CKMT2: variants seen among roughly 807,000 people sequenced by gnomAD.
CKMT2 encodes the protein creatine kinase, mitochondrial 2.
In CKMT2, 43 loss-of-function variants were observed where a neutral mutation model predicts 48.9. The ratio of observed to expected loss-of-function variants is 0.88; its 90% CI spans 0.69 to 1.13. The LOEUF (loss-of-function observed/expected upper bound fraction) is 1.13, where lower values mean the gene tolerates loss of function less well. Among genes scored for constraint, CKMT2 ranks in the 50% most tolerant of loss-of-function variants. The pLI is 0.00. For synonymous variants in CKMT2, 206 were observed against 213.0 expected (o/e 0.97, Z 0.29); for missense variants, 472 against 555.4 (o/e 0.85, Z 1.51).
At chr5:81,234,365 GT>G (rs1756192292) in intron 1 of CKMT2, among the ~76,000 whole-genome samples, 1 of 152,158 alleles carries the variant, frequency 6.6e-6, no homozygotes, top group Non-Finnish European at 1.5e-5. Flanking sequence ...CCAGTGTGCT[GT>G]TTCCAGAAGG....
chr5:81,263,184 G>A (rs890417163), intron 8 of CKMT2, among the ~76,000 whole-genome samples: 1 of 151,422 alleles, frequency 6.6e-6, no homozygotes. Context: ...GGGGGGTGGG[G>A]GTTTGGGGAG....
At chr5:81,265,888 A>ATGTT (rs952441859) in intron 9 of CKMT2, among the ~76,000 whole-genome samples, 11 of 152,196 alleles carry the variant, frequency 7.2e-5, no homozygotes, top group African/African-American at 2.7e-4. Flanking sequence ...GTAGGAAAAA[A>ATGTT]TGTTAGAGAT....
intron 7 of CKMT2, 131 bp downstream of exon 7, chr5:81,257,987 C>A: frequency 1.2e-6 from 1 of 813,098 alleles, no homozygotes; most frequent in Non-Finnish European, 1.8e-6. Flanking sequence ...GCAACTGCCG[C>A]CTCCCAGGTT....
At chr5:81,263,407 A>G (rs1233754318) in intron 8 of CKMT2, 84 bp from the exon 9 acceptor site, 15 of 820,414 alleles carry the variant, frequency 1.8e-5, no homozygotes, top group African/African-American at 3.6e-5. Flanking sequence ...ATCTCTCACT[A>G]TATGTCTTTT....
At chr5:81,259,827 A>G (rs1195581836) in intron 8 of CKMT2, among the ~76,000 whole-genome samples, 1 of 152,234 alleles carries the variant, frequency 6.6e-6, no homozygotes, top group Non-Finnish European at 1.5e-5. Flanking sequence ...GACAAAATTA[A>G]CAAGGATATG....
At chr5:81,253,006 G>A (rs1307978085) in intron 3 of CKMT2, 113 bp downstream of exon 3, 13 of 1,175,238 alleles carry the variant, frequency 1.1e-5, no homozygotes, top group Non-Finnish European at 1.5e-5. Flanking sequence ...GCCTTCTCAG[G>A]AAGGGCTCTC....
At position 81,254,933 on chromosome 5, in the gene CKMT2, T is replaced by A. The variant is rs1756944863; in HGVS notation, c.448-60T>A. ...GCAGATTGGCGATTAGAACCCACTG[T>A]GGCTGTGGCAGGACCATGGTCCGAG... On this transcript the variant is annotated intron_variant, in intron 4 of 9. Coordinates refer to ENST00000254035, the MANE Select transcript of CKMT2 (RefSeq NM_001099735.2). 8.0e-5 allele frequency: 112 copies of A among 1,402,102 alleles called. 1 individual carries two copies. In the South Asian group the frequency reaches 1.3e-3, roughly 16 times the overall value. The allele number at this position is 1,402,102 out of a possible 1,614,324, so 86.9% of individuals were successfully genotyped here.
chr5:81,258,698 A>G (rs1385084963), intron 7 of CKMT2, among the ~76,000 whole-genome samples: 1 of 152,158 alleles, frequency 6.6e-6, no homozygotes, highest in African/African-American at 2.4e-5. Flanking sequence ...CAGAGGCATG[A>G]GATTCTCATA....
chr5:81,239,529 C>A lies in CKMT2; in HGVS notation c.-21+6152C>A, dbSNP rs551493005. 2.0e-4 allele frequency among the ~76,000 whole-genome samples: 30 copies of A among 152,286 alleles called. No individual in the cohort carries two copies. The South Asian group carries it at 6.2e-3, about 32-fold the overall frequency. ...GGGGGCACGTGGCATCCACAGTCCT[C>A]CACTGATGCACATGGGTGTGCAGGG... On this transcript the variant is annotated intron_variant, in intron 1 of 9. Transcript: ENST00000254035.
rs759208861 is a variant in CKMT2, at chr5:81,266,160, A to G, written c.1162A>G (p.Ile388Val). 1 of 1,612,654 alleles carries G rather than the reference A, an allele frequency of 6.2e-7. No homozygotes were observed. Among genetic ancestry groups the G allele is most frequent in the Non-Finnish European group, 8.5e-7 (1 of 1,178,840 alleles). The stretch of plus-strand genomic sequence containing the variant: ...AAAGGTTGAGCTTGTTCAGATAGTC[A>G]TCGATGGAGTCAATTACCTGGTGGA... Reference protein sequence around the residue: ...RSEVELVQIVIDGVNYLVDCE... With the variant: ...RSEVELVQIVVDGVNYLVDCE... The change falls in exon 10 of 10, where the codon ATC becomes GTC. Residue 388 changes from isoleucine to valine, a missense_variant. Physicochemically the swap from Ile to Val is conservative, Grantham distance 29. Coordinates refer to ENST00000254035, the MANE Select transcript of CKMT2 (RefSeq NM_001099735.2).
intron 1 of CKMT2, among the ~76,000 whole-genome samples, chr5:81,237,128 G>A (rs895722196): frequency 6.6e-6 from 1 of 152,222 alleles, no homozygotes; most frequent in Non-Finnish European, 1.5e-5. Context: ...CAGCCTGGGT[G>A]ACAGAGCGAG....
chr5:81,249,307 T>C (rs1756721409), intron 1 of CKMT2, among the ~76,000 whole-genome samples: 1 of 152,140 alleles, frequency 6.6e-6, no homozygotes, highest in African/African-American at 2.4e-5. Context: ...GGTCTCAAAC[T>C]CCTGGCCTCA....
intron 3 of CKMT2, among the ~76,000 whole-genome samples, chr5:81,253,147 G>A (rs1031611066): frequency 6.6e-6 from 1 of 152,180 alleles, no homozygotes; most frequent in African/African-American, 2.4e-5. Flanking sequence ...TGAATTGCAT[G>A]ACAGAACTCT....
intron 1 of CKMT2, among the ~76,000 whole-genome samples, chr5:81,241,928 C>T (rs566300200): frequency 6.6e-6 from 1 of 151,584 alleles, no homozygotes; most frequent in Non-Finnish European, 1.5e-5. Context: ...CTGATTCTTC[C>T]TTTCCAATCT....
At position 81,251,194 on chromosome 5, in the gene CKMT2, T is replaced by C. The variant is rs867534507; in HGVS notation, c.62T>C (p.Met21Thr). 1.2e-6 allele frequency: 2 copies of C among 1,614,154 alleles called. No homozygotes were observed. Among genetic ancestry groups the C allele is most frequent in the Non-Finnish European group, 1.7e-6 (2 of 1,180,008 alleles). ...AATGCTTCTCTGCTGTTTGCTACCA[T>C]GGGCACCAGTGTCCTGACCACCGGG... ...GRNASLLFAT[M>T]GTSVLTTGYL... The change falls in exon 2 of 10, where the codon ATG becomes ACG. Residue 21 changes from methionine (M) to threonine (T), a missense_variant. Coordinates refer to ENST00000254035, the MANE Select transcript of CKMT2 (RefSeq NM_001099735.2).
intron 6 of CKMT2, 97 bp from the exon 7 acceptor site, chr5:81,257,636 G>A (rs754289705): frequency 1.1e-4 from 116 of 1,042,504 alleles, no homozygotes; most frequent in Non-Finnish European, 1.5e-4. Context: ...AAATGAGGAA[G>A]GTGAAATGAA....
intron 1 of CKMT2, chr5:81,238,382 A>C (rs889939997): frequency 6.6e-6 from 1 of 152,244 alleles, no homozygotes; most frequent in African/African-American, 2.4e-5. Context: ...ATAAAATGCC[A>C]GCTCAAAATT....
chr5:81,242,935 G>C (rs566952894), intron 1 of CKMT2, among the ~76,000 whole-genome samples: 1 of 152,138 alleles, frequency 6.6e-6, no homozygotes, highest in Non-Finnish European at 1.5e-5. Flanking sequence ...GTTTCTACAG[G>C]GAATCAAACA....
chr5:81,250,982 AAGAG>A lies in CKMT2; in HGVS notation c.-20-119_-20-116del, dbSNP rs71876955. The A allele has an allele frequency of 4.8e-5, 20 of 414,432 alleles. No homozygotes were observed. The Admixed American group carries it at 4.8e-4, about 10-fold the overall frequency. 25.7% of individuals were successfully genotyped at this position (414,432 alleles called of 1,614,324 possible). ...ACACACACACACACACACACACAGA[AAGAG>A]AGAGAGAGAGACAGAGACACCGGAA... On this transcript the variant is annotated intron_variant, in intron 1 of 9. Transcript: ENST00000254035.
Sources: gnomAD v4.1 joint callset for allele counts (sites outside exome capture counted in the v4.1 genomes callset) on GRCh38, gnomAD v4.1.1 for gene constraint, MANE v1.5 for transcripts, NCBI Gene and HGNC (gene_info 2026-07-23, HGNC 2026-07-21) for gene names.